Variants in FNBP1 observed in about 807,000 individuals in gnomAD.
The protein encoded by FNBP1 is formin binding protein 1.
In FNBP1, 26 loss-of-function variants were observed where a neutral mutation model predicts 90.6. The ratio of observed to expected loss-of-function variants is 0.29; its 90% CI spans 0.21 to 0.40. The LOEUF (loss-of-function observed/expected upper bound fraction) is 0.40, where lower values mean the gene tolerates loss of function less well. FNBP1 is among the 10% of genes least tolerant of loss of function. The pLI is 1.00. For missense variants in FNBP1, 635 were observed against 768.0 expected, an observed-to-expected ratio of 0.83 and a Z score of 2.05; for synonymous variants, 260 against 265.2, an observed-to-expected ratio of 0.98 and a Z score of 0.19.
Position 129,958,556 on chromosome 9 carries a change from G to T in FNBP1, c.346-3C>A. On this transcript the variant is annotated splice_region_variant and splice_polypyrimidine_tract_variant and intron_variant, in intron 4 of 16. Coordinates refer to ENST00000446176, the MANE Select transcript of FNBP1 (RefSeq NM_015033.3). ...GCTTTACGGCCATCGTGAAAGTTCT[G>T]CAAAGGGGAAAACACACTGGTGATT... The T allele has an allele frequency of 6.3e-7, 1 of 1,591,800 alleles. No individual in the cohort carries two copies. The highest frequency in any genetic ancestry group is 2.3e-5 in the East Asian group (1 of 44,266).
At chr9:130,011,215 C>CAAAAAAAAA (rs1192541205) in intron 1 of FNBP1, among the ~76,000 whole-genome samples, 3 of 13,418 alleles carry the variant, frequency 2.2e-4, no homozygotes, top group South Asian at 6.5e-3. Context: ...GACTCCATCT[C>CAAAAAAAAA]AAAAAAAAAA....
At chr9:129,929,769 T>G (rs1020364119) in intron 6 of FNBP1, 74 bp from the exon 7 acceptor site, 4 of 1,437,122 alleles carry the variant, frequency 2.8e-6, no homozygotes, top group South Asian at 1.2e-5. Flanking sequence ...AATAAAAGCC[T>G]AGAACTGCAC....
chr9:130,034,108 T>C (rs2132233038), intron 1 of FNBP1, among the ~76,000 whole-genome samples: 1 of 150,544 alleles, frequency 6.6e-6, no homozygotes, highest in South Asian at 2.1e-4. Flanking sequence ...GATCACGAGG[T>C]CAGGAGATCG....
At chr9:130,026,291 C>A (rs1477352568) in intron 1 of FNBP1, among the ~76,000 whole-genome samples, 5 of 151,980 alleles carry the variant, frequency 3.3e-5, no homozygotes, top group Non-Finnish European at 7.4e-5. Context: ...GTCAGGAGTA[C>A]GAGACCAGCC....
At chr9:129,963,938 C>A (rs964191194) in intron 4 of FNBP1, among the ~76,000 whole-genome samples, 7 of 151,972 alleles carry the variant, frequency 4.6e-5, no homozygotes, top group African/African-American at 1.7e-4. Context: ...CAGTACCTGT[C>A]CCTCTATCAT....
intron 1 of FNBP1, among the ~76,000 whole-genome samples, chr9:130,022,874 G>C (rs2057979512): frequency 6.6e-6 from 1 of 152,102 alleles, no homozygotes; most frequent in Non-Finnish European, 1.5e-5. Flanking sequence ...ACAGGGGTTG[G>C]CCGTGTTGCC....
At chr9:129,897,761 C>T (rs754745905) in intron 15 of FNBP1, among the ~76,000 whole-genome samples, 3 of 151,880 alleles carry the variant, frequency 2.0e-5, no homozygotes, top group Non-Finnish European at 4.4e-5. Flanking sequence ...TCTTTCATGG[C>T]CTCCTTATTA....
Position 129,900,420 on chromosome 9 carries a change from C to A in FNBP1, c.1550+6G>T, listed in dbSNP as rs762892081. On this transcript the variant is annotated splice_donor_region_variant and intron_variant, in intron 14 of 16. Coordinates refer to ENST00000446176, the MANE Select transcript of FNBP1 (RefSeq NM_015033.3). This position sits in a 1 kb window ranked among gnomAD's most constrained non-coding sequence, Gnocchi z 4.1. Reference sequence around the variant, plus strand: ...GCCAGAGGCAGGCGCTGTGCAGATACTGTACCTCTCACGGTCCTGGGCGCA... The same window carrying A: ...GCCAGAGGCAGGCGCTGTGCAGATAATGTACCTCTCACGGTCCTGGGCGCA... 6.3e-6 allele frequency: 10 copies of A among 1,576,516 alleles called. No homozygotes were observed. The highest frequency in any genetic ancestry group is 1.4e-5 in the African/African-American group (1 of 73,074).
chr9:129,908,693 C>T (rs895487996), intron 12 of FNBP1, among the ~76,000 whole-genome samples, 197 bp downstream of exon 12: 2 of 152,064 alleles, frequency 1.3e-5, no homozygotes, highest in East Asian at 3.9e-4. Flanking sequence ...ACTGGGACTA[C>T]AGACGTGTGC....
chr9:129,919,271 A>G (rs1465387967), intron 10 of FNBP1: 8 of 1,103,544 alleles, frequency 7.2e-6, no homozygotes, highest in Non-Finnish European at 6.1e-6. Flanking sequence ...AGAACAAGAT[A>G]AAATAAATAA....
At chr9:130,038,147 A>G (rs488593) in intron 1 of FNBP1, among the ~76,000 whole-genome samples, 146,233 of 151,738 alleles carry the variant, frequency 0.96, 70,725 homozygotes, top group East Asian at 1. Flanking sequence ...GAGGTCAGGA[A>G]ATCGAGACCA....
In FNBP1 at chr9:129,887,815, G is replaced by A; in HGVS notation, c.*2724C>T. The A allele has an allele frequency of 4.3e-6, 1 of 230,590 alleles. No individual in the cohort carries two copies. 14.3% of individuals were successfully genotyped at this position (230,590 alleles called of 1,614,324 possible). The stretch of plus-strand genomic sequence containing the variant: ...TACAACACAACAGTATTCTAGCACG[G>A]TGGCGAAGTGACAGGCGGCAGATAC... On this transcript the variant is annotated 3_prime_UTR_variant, in exon 17 of 17. Transcript: ENST00000446176.
At chr9:130,013,036 C>A (rs572103155) in intron 1 of FNBP1, among the ~76,000 whole-genome samples, 6 of 152,130 alleles carry the variant, frequency 3.9e-5, no homozygotes, top group Non-Finnish European at 8.8e-5. Flanking sequence ...GAAAAGATAG[C>A]ATTGAGGAAA....
In FNBP1 at chr9:129,889,916, G is replaced by GC; in HGVS notation, c.*622dup. The stretch of plus-strand genomic sequence containing the variant: ...TGTGCCTGTGGGTGTGTGTGTACCT[G>GC]CCCCCCTGCCTGCCAGATGCTCCCA... On this transcript the variant is annotated 3_prime_UTR_variant, in exon 17 of 17. Coordinates refer to ENST00000446176, the MANE Select transcript of FNBP1 (RefSeq NM_015033.3). 1 of 236,446 alleles carries GC rather than the reference G, an allele frequency of 4.2e-6. No homozygotes were observed. The highest frequency in any genetic ancestry group is 8.3e-6 in the Non-Finnish European group (1 of 120,048). 14.6% of individuals were successfully genotyped at this position (236,446 alleles called of 1,614,324 possible).
At chr9:129,977,369 G>C (rs762349114) in intron 4 of FNBP1, among the ~76,000 whole-genome samples, 2 of 152,070 alleles carry the variant, frequency 1.3e-5, no homozygotes, top group Non-Finnish European at 2.9e-5. Context: ...AGACGATAAT[G>C]GTGGCAAGAG....
chr9:129,939,080 C>T (rs953280641), intron 6 of FNBP1, among the ~76,000 whole-genome samples: 2 of 152,028 alleles, frequency 1.3e-5, no homozygotes, highest in African/African-American at 2.4e-5. Flanking sequence ...CAGATTCAAG[C>T]GATTCTCCTG....
intron 1 of FNBP1, among the ~76,000 whole-genome samples, chr9:130,028,257 G>C (rs1355059878): frequency 6.6e-6 from 1 of 152,234 alleles, no homozygotes; most frequent in African/African-American, 2.4e-5. Flanking sequence ...TGTCCCACAT[G>C]TGAAGTATCT....
At chr9:129,963,604 C>T (rs1398900533) in intron 4 of FNBP1, among the ~76,000 whole-genome samples, 1 of 136,418 alleles carries the variant, frequency 7.3e-6, no homozygotes, top group East Asian at 2.0e-4. Context: ...GCCCATCTTC[C>T]TTCCTTCCAG....
chr9:130,034,378 G>C (rs2059122463), intron 1 of FNBP1, among the ~76,000 whole-genome samples: 1 of 151,536 alleles, frequency 6.6e-6, no homozygotes, highest in South Asian at 2.1e-4. Context: ...AGCTAATCAG[G>C]AGGCTGAGGC....
Sources: allele counts gnomAD v4.1 joint callset (sites outside exome capture counted in the v4.1 genomes callset), GRCh38; gene constraint gnomAD v4.1.1; non-coding constraint Gnocchi (gnomAD v3.1); transcripts MANE v1.5; gene names NCBI Gene and HGNC (gene_info 2026-07-23, HGNC 2026-07-21).